The following ABCA13 variants were observed in gnomAD, a reference collection of about 807,000 sequenced individuals.
ABCA13 encodes the protein ATP-binding cassette sub-family A member 13.
Under a neutral mutation model 478.7 loss-of-function variants are expected in ABCA13, and 476 were observed. The ratio of observed to expected loss-of-function variants is 0.99; its 90% confidence interval spans 0.92 to 1.07. The LOEUF (loss-of-function observed/expected upper bound fraction) is 1.07. ABCA13 is among the 50% of genes least tolerant of loss of function. The probability of loss-of-function intolerance (pLI) is 0.00; values close to 1 mark genes in which losing one functional copy is unlikely to be tolerated. For synonymous variants in ABCA13, 2,252 were observed against 2,158.9 expected (o/e 1.04, Z -1.20); for missense variants, 6,060 against 5,910.6 (o/e 1.03, Z -0.83).
chr7:48,475,013 C>T (rs1326111008), intron 45 of ABCA13, among the ~76,000 whole-genome samples: 1 of 152,204 alleles, frequency 6.6e-6, no homozygotes, highest in Non-Finnish European at 1.5e-5. Context: ...CAGTATTAAG[C>T]AGGTATCTTT....
rs768032977 is a variant in ABCA13, at chr7:48,455,146, C to T, written c.12675C>T (p.Ser4225=). The T allele has an allele frequency of 1.1e-5, 17 of 1,576,688 alleles. No individual in the cohort carries two copies. The South Asian group carries it at 2.0e-4, about 18-fold the overall frequency. Residue 4225 remains serine, a synonymous_variant, in exon 43 of 62, where the codon AGC becomes AGT. Coordinates refer to ENST00000435803, the MANE Select transcript of ABCA13 (RefSeq NM_152701.5). ...RLRRTLRAGK[S]TLADLLLPVL... is the part of the protein sequence containing the mutation. ...GCCGCACGCTGCGCGCCGGGAAGAG[C>T]ACCCTCGCCGACCTGCTGCTGCCAG...
At chr7:48,271,715 A>G (rs938560429) in intron 16 of ABCA13, 72 bp from the exon 17 acceptor site, 112 of 974,684 alleles carry the variant, frequency 1.1e-4, no homozygotes, top group Middle Eastern at 1.1e-3. Context: ...ATAAATGAGT[A>G]TTAACTTGGA....
At chr7:48,397,898 C>T (rs773637930) in intron 38 of ABCA13, among the ~76,000 whole-genome samples, 1 of 152,158 alleles carries the variant, frequency 6.6e-6, no homozygotes, top group Non-Finnish European at 1.5e-5. Flanking sequence ...ATCATCCTTT[C>T]TTCTTTTGTC....
intron 18 of ABCA13, 27 bp from the exon 19 acceptor site, chr7:48,281,316 T>G (rs1477323425): frequency 1.9e-6 from 3 of 1,557,822 alleles, no homozygotes; most frequent in Non-Finnish European, 2.6e-6. Flanking sequence ...TACCCTTTTA[T>G]GTCATTGTAT....
intron 27 of ABCA13, among the ~76,000 whole-genome samples, chr7:48,330,078 C>A (rs1435094576): frequency 7.1e-6 from 1 of 139,984 alleles, no homozygotes; most frequent in East Asian, 2.2e-4. Flanking sequence ...TCCATCCATT[C>A]ATCCATCCAT....
At chr7:48,366,484 G>A (rs745524957) in intron 31 of ABCA13, among the ~76,000 whole-genome samples, 5 of 151,952 alleles carry the variant, frequency 3.3e-5, no homozygotes, top group Admixed American at 6.6e-5. Flanking sequence ...CAGAATACCC[G>A]AGACTGGGTA....
At chr7:48,597,817 T>G (rs1160435461) in intron 58 of ABCA13, among the ~76,000 whole-genome samples, 1 of 152,232 alleles carries the variant, frequency 6.6e-6, no homozygotes, top group African/African-American at 2.4e-5. Context: ...TTAGGTTCAC[T>G]GAAAAATTGA....
chr7:48,310,169 G>A, intron 24 of ABCA13, 28 bp downstream of exon 24: 1 of 1,581,198 alleles, frequency 6.3e-7, no homozygotes, highest in Non-Finnish European at 8.6e-7. Context: ...GCTGGGGGCA[G>A]TCCTCTGCAG....
At chr7:48,594,687 A>G in intron 57 of ABCA13, 23 bp from the exon 58 acceptor site, 1 of 1,599,282 alleles carries the variant, frequency 6.3e-7, no homozygotes, top group Non-Finnish European at 8.6e-7. Flanking sequence ...AATGCTGATT[A>G]CTCTGTGTTG....
intron 58 of ABCA13, chr7:48,611,888 T>G (rs1321944989): frequency 6.6e-6 from 1 of 152,240 alleles, no homozygotes; most frequent in Non-Finnish European, 1.5e-5. Context: ...TGATTACTTT[T>G]AAATTGAAAT....
chr7:48,335,565 T>C (rs765662608), intron 28 of ABCA13, 30 bp downstream of exon 28: 28 of 1,576,402 alleles, frequency 1.8e-5, no homozygotes, highest in Non-Finnish European at 2.1e-5. Flanking sequence ...CACCGAGGGA[T>C]GGGGAGCTAC....
chr7:48,416,560 T>C (rs1205080176), intron 41 of ABCA13, among the ~76,000 whole-genome samples: 1 of 152,168 alleles, frequency 6.6e-6, no homozygotes, highest in African/African-American at 2.4e-5. Context: ...AAGAAACTTC[T>C]AGTGCAGCGC....
chr7:48,227,918 T>C (rs1248624075), intron 6 of ABCA13, among the ~76,000 whole-genome samples: 1 of 152,224 alleles, frequency 6.6e-6, no homozygotes. Flanking sequence ...GCTTCAGTTG[T>C]GTAATTCAGT....
In ABCA13 at chr7:48,423,730, G is replaced by A. The variant is rs573963766; in HGVS notation, c.12460-4036G>A. ...ATACACCATAGGCATTGCTTTTAAA[G>A]CATATTTTTGTTACATTTTAAATTA... On this transcript the variant is annotated intron_variant, in intron 41 of 61. Transcript: ENST00000435803. Among the ~76,000 whole-genome samples the A allele has an allele frequency of 2.0e-5, 3 of 152,280 alleles. 1 individual carries two copies. Among genetic ancestry groups the A allele is most frequent in the South Asian group, 2.1e-4 (1 of 4,824 alleles).
chr7:48,599,391 C>T (rs1790642779), intron 58 of ABCA13, among the ~76,000 whole-genome samples: 1 of 151,246 alleles, frequency 6.6e-6, no homozygotes, highest in African/African-American at 2.4e-5. Flanking sequence ...TATAAAACAC[C>T]ATATTTTAAT....
In ABCA13 at chr7:48,594,758, C is replaced by G; in HGVS notation, c.14689C>G (p.Gln4897Glu). Residue 4897 changes from glutamine (Q) to glutamate (E), a missense_variant, in exon 58 of 62, where the codon CAA becomes GAA. Gln to Glu is a conservative substitution (Grantham distance 29, BLOSUM62 2). Transcript: ENST00000435803. ...MDPCSKRYLW[Q>E]TIMKEVREGC... ...TCCCTGCTCTAAGCGGTACCTGTGG[C>G]AAACAATAATGAAGGAGGTTCGGGA... 3 of 1,613,948 alleles carry G rather than the reference C, an allele frequency of 1.9e-6. No individual in the cohort carries two copies. The highest frequency in any genetic ancestry group is 2.5e-6 in the Non-Finnish European group (3 of 1,179,844).
intron 23 of ABCA13, among the ~76,000 whole-genome samples, chr7:48,303,569 A>G (rs1387405709): frequency 2.0e-5 from 3 of 152,114 alleles, no homozygotes; most frequent in Admixed American, 6.5e-5. Context: ...CAGTTATCTC[A>G]GCACCATTTA....
chr7:48,401,696 C>T (rs1434885746), intron 38 of ABCA13, among the ~76,000 whole-genome samples: 1 of 151,160 alleles, frequency 6.6e-6, no homozygotes, highest in Non-Finnish European at 1.5e-5. Context: ...TCCTCACTTC[C>T]TCCACCCTAT....
chr7:48,275,981 G>C lies in ABCA13; in HGVS notation c.6315G>C (p.Leu2105=), dbSNP rs778455413. The C allele has an allele frequency of 1.6e-5, 26 of 1,613,302 alleles. No individual in the cohort carries two copies. In the Admixed American group the frequency reaches 4.3e-4, roughly 27 times the overall value. ...TAACTTTGCAGTTTGCCCATTTCCT[G>C]GAAATCCTGGATTCACCGTCATTGA... ...QKITLQFAHF[L]EILDSPSLKT... The change falls in exon 17 of 62, where the codon CTG becomes CTC. Residue 2105 remains leucine, a synonymous_variant. Coordinates refer to ENST00000435803, the MANE Select transcript of ABCA13 (RefSeq NM_152701.5).
Sources: gnomAD v4.1 joint callset for allele counts (sites outside exome capture counted in the v4.1 genomes callset) on GRCh38, gnomAD v4.1.1 for gene constraint, MANE v1.5 for transcripts, NCBI Gene and HGNC (gene_info 2026-07-23, HGNC 2026-07-21) for gene names.